RABEP1: variants seen among roughly 807,000 people sequenced by gnomAD.
The protein encoded by RABEP1 is rabaptin, RAB GTPase binding effector protein 1, also known as rab GTPase-binding effector protein 1.
A neutral mutation model predicts 123.4 loss-of-function variants in RABEP1; 51 were observed. That is an observed-to-expected ratio of 0.41 (90% CI 0.33 to 0.52). RABEP1 has a LOEUF of 0.52. Among genes scored for constraint, RABEP1 ranks in the 20% least tolerant of loss-of-function variants. RABEP1 has a pLI of 0.16. For missense variants in RABEP1, 888 were observed against 996.3 expected, an observed-to-expected ratio of 0.89 and a Z score of 1.46; for synonymous variants, 347 against 355.2, an observed-to-expected ratio of 0.98 and a Z score of 0.26.
At chr17:5,285,616 T>C (rs1452984515) in intron 1 of RABEP1, among the ~76,000 whole-genome samples, 1 of 152,248 alleles carries the variant, frequency 6.6e-6, no homozygotes, top group African/African-American at 2.4e-5. Flanking sequence ...TATATGGCCA[T>C]GTAATGTTCT....
intron 14 of RABEP1, 136 bp from the exon 15 acceptor site, chr17:5,378,041 A>G (rs1360548299): frequency 1.6e-6 from 1 of 633,428 alleles, no homozygotes; most frequent in Non-Finnish European, 2.8e-6. Context: ...GCTTGGTGGT[A>G]ATTTTGAGAC....
intron 2 of RABEP1, among the ~76,000 whole-genome samples, chr17:5,310,953 G>T (rs1334600090): frequency 1.3e-5 from 2 of 151,832 alleles, no homozygotes; most frequent in Non-Finnish European, 2.9e-5. Context: ...GGGGCTACAG[G>T]TGTGTGCCAC....
rs1910265707 is a variant in RABEP1 at position 5,368,446 on chromosome 17, A to G, written c.1862A>G (p.Lys621Arg). 6.2e-7 allele frequency: 1 copy of G among 1,613,324 alleles called. No homozygotes were observed. The highest frequency in any genetic ancestry group is 1.3e-5 in the African/African-American group (1 of 74,916). ...TTACAGCAGGGGCTTTCCCAGGCAA[A>G]GAGGGATGTTCAGGAACAGATGGTA... is the stretch of plus-strand genomic sequence containing the variant. ...EELQQGLSQAKRDVQEQMAVL... is the reference protein window; with the variant it reads ...EELQQGLSQARRDVQEQMAVL... Residue 621 changes from lysine to arginine, a missense_variant, in exon 12 of 18, where the codon AAG becomes AGG. Coordinates refer to ENST00000537505, the MANE Select transcript of RABEP1 (RefSeq NM_004703.6).
chr17:5,373,693 A>AACACCAC (rs1227798190), intron 13 of RABEP1, among the ~76,000 whole-genome samples: 3 of 135,330 alleles, frequency 2.2e-5, no homozygotes, highest in Middle Eastern at 3.7e-3. Flanking sequence ...ACACCAGCTA[A>AACACCAC]ACACACACAC....
intron 1 of RABEP1, among the ~76,000 whole-genome samples, chr17:5,293,603 C>G (rs1465545540): frequency 6.6e-6 from 1 of 152,044 alleles, no homozygotes; most frequent in Non-Finnish European, 1.5e-5. Context: ...GACAGAATCT[C>G]CCTTTGTTGC....
Position 5,367,921 on chromosome 17 carries a change from A to AT in RABEP1, c.1786-440dup, listed in dbSNP as rs1247721602. Among the ~76,000 whole-genome samples the AT allele has an allele frequency of 5.4e-5, 8 of 148,926 alleles. 1 individual carries two copies. Among genetic ancestry groups the AT allele is most frequent in the Non-Finnish European group, 1.0e-4 (7 of 67,192 alleles). The stretch of plus-strand genomic sequence containing the variant: ...AGGTGCCCGCCACCACACCCAGCTA[A>AT]TTTTTTTTTACTTTTAGTAGAGATG... On this transcript the variant is annotated intron_variant, in intron 11 of 17. Transcript: ENST00000537505.
chr17:5,321,196 C>T (rs536360236), intron 2 of RABEP1, among the ~76,000 whole-genome samples: 2 of 152,032 alleles, frequency 1.3e-5, no homozygotes, highest in South Asian at 2.1e-4. Context: ...AATCCCAGCA[C>T]TTTGGGAGGC....
At position 5,282,482 on chromosome 17, in the gene RABEP1, TG is replaced by T; in HGVS notation, c.-3del. ...TCCCCGCTCCCCGAGGCCGGCCGCC[TG>T]GTCATGGCGCAGCCGGGCCCGGCTT... On this transcript the variant is annotated 5_prime_UTR_variant, in exon 1 of 18. Coordinates refer to ENST00000537505, the MANE Select transcript of RABEP1 (RefSeq NM_004703.6). The T allele has an allele frequency of 7.5e-7, 1 of 1,330,428 alleles. No individual in the cohort carries two copies. The highest frequency in any genetic ancestry group is 9.6e-7 in the Non-Finnish European group (1 of 1,036,372). 82.4% of individuals were successfully genotyped at this position (1,330,428 alleles called of 1,614,324 possible).
At chr17:5,343,662 T>C (rs113121047) in intron 5 of RABEP1, among the ~76,000 whole-genome samples, 17,342 of 145,850 alleles carry the variant, frequency 0.12, 1,414 homozygotes, top group African/African-American at 0.23. Context: ...TTTCTTTCTT[T>C]CTTTTCTCTT....
chr17:5,329,044 A>G (rs1046210485), intron 2 of RABEP1, among the ~76,000 whole-genome samples: 6 of 99,348 alleles, frequency 6.0e-5, no homozygotes, highest in Admixed American at 1.1e-4. Context: ...TTTTTTGTCA[A>G]TTGGAGAAGT....
chr17:5,377,181 C>A lies in RABEP1; in HGVS notation c.2091C>A (p.His697Gln). 1 of 1,613,024 alleles carries A rather than the reference C, an allele frequency of 6.2e-7. No homozygotes were observed. The highest frequency in any genetic ancestry group is 2.2e-5 in the East Asian group (1 of 44,846). ...TTAATGTGCGGACAGCAGCAGACCA[C>A]GTAGAAGAAAAGCTGAAGGCTGAGA... The part of the protein sequence containing the change: ...DIINVRTAAD[H>Q]VEEKLKAEIL... Residue 697 changes from histidine to glutamine, a missense_variant, in exon 14 of 18, where the codon CAC becomes CAA. His to Gln is a conservative substitution (Grantham distance 24). Transcript: ENST00000537505.
At chr17:5,297,824 C>T (rs1214856586) in intron 1 of RABEP1, among the ~76,000 whole-genome samples, 1 of 152,212 alleles carries the variant, frequency 6.6e-6, no homozygotes, top group Non-Finnish European at 1.5e-5. Flanking sequence ...AGAGCCTGTG[C>T]TCTCAGCTGT....
In RABEP1 at chr17:5,373,399, G is replaced by A. The variant is rs1910687646; in HGVS notation, c.1970G>A (p.Ser657Asn). The change falls in exon 13 of 18, where the codon AGC (serine) becomes AAC (asparagine). Residue 657 changes from serine (S) to asparagine (N), a missense_variant. By Grantham distance (46) the Ser-to-Asn change is conservative. Transcript: ENST00000537505. Reference sequence around the variant, plus strand: ...AATGACAGTCTCCAGGGAAAGCACAGCCTGCATGTGTCATTACAGCAAGCA... The same window carrying A: ...AATGACAGTCTCCAGGGAAAGCACAACCTGCATGTGTCATTACAGCAAGCA... ...KDNDSLQGKH[S>N]LHVSLQQAED... 6.2e-7 allele frequency: 1 copy of A among 1,613,238 alleles called. No homozygotes were observed. Among genetic ancestry groups the A allele is most frequent in the Non-Finnish European group, 8.5e-7 (1 of 1,179,892 alleles).
Position 5,354,396 on chromosome 17 carries a change from A to G in RABEP1, c.1001A>G (p.Asp334Gly). The G allele has an allele frequency of 1.2e-6, 2 of 1,613,166 alleles. No individual in the cohort carries two copies. The highest frequency in any genetic ancestry group is 2.2e-5 in the South Asian group (2 of 90,966). ...CAACAAAGACTCAATAAGAGAAAGG[A>G]TCACAAAAAAGCAGATGTTGAGGAA... ...DEQQRLNKRK[D>G]HKKADVEEEI... The change falls in exon 8 of 18, where the codon GAT (aspartate) becomes GGT (glycine). Residue 334 changes from aspartate to glycine, a missense_variant. Coordinates refer to ENST00000537505, the MANE Select transcript of RABEP1 (RefSeq NM_004703.6).
At chr17:5,378,147 T>C in intron 14 of RABEP1, 30 bp from the exon 15 acceptor site, 1 of 1,510,128 alleles carries the variant, frequency 6.6e-7, no homozygotes, top group African/African-American at 1.4e-5. Context: ...AATAGATGAA[T>C]GCTAATACAT....
chr17:5,361,709 C>G (rs774673651), intron 9 of RABEP1, 34 bp downstream of exon 9: 1 of 1,502,576 alleles, frequency 6.7e-7, no homozygotes, highest in South Asian at 1.3e-5. Context: ...TCCTCTTGCT[C>G]ACGCTGAGGC....
rs555961010 is a variant in RABEP1, at chr17:5,309,435, C to A, written c.163+613C>A. Among the ~76,000 whole-genome samples the A allele has an allele frequency of 3.3e-5, 5 of 150,638 alleles. No individual in the cohort carries two copies. In the East Asian group the frequency reaches 9.7e-4, roughly 29 times the overall value. ...GAGGCCAACGGGCGGGGGCGGATCACCTGAGGTCGGGAGTTCAAGTCCAGC... is the reference window on the plus strand; with the variant it reads ...GAGGCCAACGGGCGGGGGCGGATCAACTGAGGTCGGGAGTTCAAGTCCAGC... On this transcript the variant is annotated intron_variant, in intron 2 of 17. Coordinates refer to ENST00000537505, the MANE Select transcript of RABEP1 (RefSeq NM_004703.6).
At chr17:5,382,999 C>CT in intron 17 of RABEP1, 123 bp from the exon 18 acceptor site, 1 of 723,828 alleles carries the variant, frequency 1.4e-6, no homozygotes, top group Non-Finnish European at 2.4e-6. Context: ...ATTGTTCTTG[C>CT]TGTCTCCCTT....
At chr17:5,353,755 A>G (rs1908769438) in intron 7 of RABEP1, among the ~76,000 whole-genome samples, 1 of 152,092 alleles carries the variant, frequency 6.6e-6, no homozygotes. Context: ...AGGATGAGGC[A>G]GGAGGATTGC....
Sources: allele counts gnomAD v4.1 joint callset (sites outside exome capture counted in the v4.1 genomes callset), GRCh38; gene constraint gnomAD v4.1.1; transcripts MANE v1.5; gene names NCBI Gene and HGNC (gene_info 2026-07-23, HGNC 2026-07-21).